Variants in AGFG1 observed in about 807,000 individuals in gnomAD.
The protein encoded by AGFG1 is ArfGAP with FG repeats 1, also known as arf-GAP domain and FG repeat-containing protein 1.
AGFG1 carries 10 observed loss-of-function variants against 60.6 expected under a neutral mutation model. The observed-to-expected ratio is 0.16, with a 90% confidence interval of 0.10 to 0.28. The LOEUF (loss-of-function observed/expected upper bound fraction) is 0.28, where lower values mean the gene tolerates loss of function less well. Among genes scored for constraint, AGFG1 ranks in the 10% least tolerant of loss-of-function variants. The pLI is 1.00. For synonymous variants in AGFG1, 247 were observed against 242.9 expected, an observed-to-expected ratio of 1.02 and a Z score of -0.16; for missense variants, 537 against 676.5, an observed-to-expected ratio of 0.79 and a Z score of 2.29.
chr2:227,529,190 G>C (rs1011267566), intron 5 of AGFG1, among the ~76,000 whole-genome samples: 3 of 151,984 alleles, frequency 2.0e-5, no homozygotes, highest in African/African-American at 4.8e-5. Flanking sequence ...TTTTGCCTTG[G>C]AGTAGTTTTT....
chr2:227,488,817 CTTATTTAT>C (rs1203818171), intron 1 of AGFG1, among the ~76,000 whole-genome samples: 1 of 151,936 alleles, frequency 6.6e-6, no homozygotes, highest in East Asian at 1.9e-4. Context: ...AATTTATTTA[CTTATTTAT>C]TTATTTATTT....
chr2:227,497,645 C>T (rs768596327), intron 2 of AGFG1, among the ~76,000 whole-genome samples: 3 of 150,846 alleles, frequency 2.0e-5, no homozygotes, highest in Non-Finnish European at 2.9e-5. Flanking sequence ...ATAGACATCT[C>T]TGTGGCATAA....
chr2:227,515,220 C>T (rs1213163178), intron 2 of AGFG1, among the ~76,000 whole-genome samples: 2 of 152,022 alleles, frequency 1.3e-5, no homozygotes, highest in African/African-American at 2.4e-5. Flanking sequence ...CGTATTCAGC[C>T]CCCTCATTCA....
At chr2:227,482,343 T>A (rs890458498) in intron 1 of AGFG1, among the ~76,000 whole-genome samples, 10 of 152,192 alleles carry the variant, frequency 6.6e-5, no homozygotes, top group Admixed American at 5.2e-4. Context: ...TATAGAAAGC[T>A]AAATATATTC....
At chr2:227,487,477 T>G (rs1373973418) in intron 1 of AGFG1, among the ~76,000 whole-genome samples, 1 of 152,244 alleles carries the variant, frequency 6.6e-6, no homozygotes, top group Non-Finnish European at 1.5e-5. Flanking sequence ...AAGTGCATAA[T>G]GTCATACTTT....
At chr2:227,474,652 C>A (rs1195830195) in intron 1 of AGFG1, among the ~76,000 whole-genome samples, 1 of 152,132 alleles carries the variant, frequency 6.6e-6, no homozygotes, top group East Asian at 1.9e-4. Context: ...CGTAGAGTTA[C>A]AATATATTGT....
At chr2:227,551,498 T>C (rs1353076156) in intron 10 of AGFG1, among the ~76,000 whole-genome samples, 1 of 152,212 alleles carries the variant, frequency 6.6e-6, no homozygotes, top group Non-Finnish European at 1.5e-5. Flanking sequence ...CGAACTATTC[T>C]TCAGCGGTTT....
intron 10 of AGFG1, among the ~76,000 whole-genome samples, chr2:227,546,487 A>G (rs933716746): frequency 6.6e-6 from 1 of 152,140 alleles, no homozygotes; most frequent in East Asian, 1.9e-4. Context: ...TCCGTGGGCT[A>G]CACCCACTGT....
intron 1 of AGFG1, among the ~76,000 whole-genome samples, chr2:227,490,246 G>C (rs1383935539): frequency 2.6e-5 from 4 of 152,074 alleles, no homozygotes; most frequent in Non-Finnish European, 5.9e-5. Context: ...TTTAATTAGT[G>C]TGAATGATTA....
chr2:227,552,861 C>T (rs906733539), intron 11 of AGFG1, among the ~76,000 whole-genome samples: 51 of 151,652 alleles, frequency 3.4e-4, no homozygotes, highest in African/African-American at 1.2e-3. Context: ...ATTAGCCAGG[C>T]GTGGTGGCAC....
In AGFG1 at chr2:227,559,174, A is replaced by G. The variant is rs1352648985; in HGVS notation, c.*4679A>G. On this transcript the variant is annotated 3_prime_UTR_variant, in exon 13 of 13. Coordinates refer to ENST00000310078, the MANE Select transcript of AGFG1 (RefSeq NM_004504.5). ...GTCTGCAGTTCTGTTTTGTGTGACC[A>G]GCACAGTGTTTTAAAACGTTGCATT... 1 of 152,226 alleles carries G rather than the reference A, an allele frequency of 6.6e-6. No homozygotes were observed. The highest frequency in any genetic ancestry group is 1.5e-5 in the Non-Finnish European group (1 of 68,024). 9.4% of individuals were successfully genotyped at this position (152,226 alleles called of 1,614,324 possible). A position where few individuals can be genotyped will look rare whatever the true frequency, so the allele number is the denominator to read the frequency against.
Position 227,523,778 on chromosome 2 carries a change from A to G in AGFG1, c.393A>G (p.Glu131=), listed in dbSNP as rs549016053. The G allele has an allele frequency of 6.2e-7, 1 of 1,612,838 alleles. No individual in the cohort carries two copies. The highest frequency in any genetic ancestry group is 1.1e-5 in the South Asian group (1 of 90,920). The change falls in exon 4 of 13, where the codon GAA becomes GAG. Residue 131 remains glutamate (E), a synonymous_variant. Transcript: ENST00000310078. ...YEKKRWYVPP[E]QAKVVASVHA... The stretch of plus-strand genomic sequence containing the variant: ...CATGTTTTAGGTATGTCCCGCCAGA[A>G]CAAGCCAAAGTCGTGGCATCAGTTC...
chr2:227,491,714 T>A, intron 2 of AGFG1, 74 bp downstream of exon 2: 1 of 859,820 alleles, frequency 1.2e-6, no homozygotes, highest in South Asian at 2.1e-5. Flanking sequence ...TTTAATAAGT[T>A]ATTTAAAACG....
chr2:227,553,884 T>C (rs1331026367), intron 12 of AGFG1, 89 bp downstream of exon 12: 1 of 931,166 alleles, frequency 1.1e-6, no homozygotes, highest in African/African-American at 1.7e-5. Flanking sequence ...TCCTAGATGG[T>C]ATTTGGTGTT....
At chr2:227,512,404 A>G (rs1037086343) in intron 2 of AGFG1, among the ~76,000 whole-genome samples, 8 of 152,234 alleles carry the variant, frequency 5.3e-5, no homozygotes, top group African/African-American at 9.6e-5. Flanking sequence ...TGTGTCAGTC[A>G]GAAATACTAA....
chr2:227,485,370 A>G (rs1350612720), intron 1 of AGFG1, among the ~76,000 whole-genome samples: 1 of 147,810 alleles, frequency 6.8e-6, no homozygotes, highest in Non-Finnish European at 1.5e-5. Context: ...CTGAGTAGCT[A>G]GGATTACAGG....
intron 5 of AGFG1, among the ~76,000 whole-genome samples, chr2:227,527,911 G>T (rs948913468): frequency 6.6e-6 from 1 of 152,162 alleles, no homozygotes; most frequent in African/African-American, 2.4e-5. Flanking sequence ...ACAGAATCCA[G>T]TGCTGATAGA....
intron 10 of AGFG1, among the ~76,000 whole-genome samples, chr2:227,539,385 G>A (rs768640155): frequency 8.9e-5 from 13 of 145,604 alleles, no homozygotes; most frequent in Non-Finnish European, 1.5e-4. Context: ...GGAGTTTGCA[G>A]TGAGCTGAGA....
chr2:227,546,606 T>C (rs1387894647), intron 10 of AGFG1, among the ~76,000 whole-genome samples: 1 of 152,232 alleles, frequency 6.6e-6, no homozygotes, highest in Non-Finnish European at 1.5e-5. Context: ...GTTCCTATTC[T>C]GCCATCTTGG....
Sources: allele counts gnomAD v4.1 joint callset (sites outside exome capture counted in the v4.1 genomes callset), GRCh38; gene constraint gnomAD v4.1.1; transcripts MANE v1.5; gene names NCBI Gene and HGNC (gene_info 2026-07-23, HGNC 2026-07-21).